DNAJC2: variants seen among roughly 807,000 people sequenced by gnomAD.
DNAJC2 encodes the protein dnaJ homolog subfamily C member 2.
A neutral mutation model predicts 94.0 loss-of-function variants in DNAJC2; 32 were observed. The ratio of observed to expected loss-of-function variants is 0.34; its 90% CI spans 0.26 to 0.46. The LOEUF (loss-of-function observed/expected upper bound fraction) is 0.46, where lower values mean the gene tolerates loss of function less well. Ranked by LOEUF, DNAJC2 falls within the 20% of genes least tolerant of loss-of-function variation. DNAJC2 has a pLI of 1.00. For missense variants in DNAJC2, 550 were observed against 719.5 expected (o/e 0.76, Z 2.69); for synonymous variants, 210 against 229.7 (o/e 0.91, Z 0.77).
At chr7:103,344,536 A>G in intron 1 of DNAJC2, 23 bp downstream of exon 1, 1 of 1,613,588 alleles carries the variant, frequency 6.2e-7, no homozygotes, top group South Asian at 1.1e-5. Context: ...GTGAGAAGGA[A>G]CCGAGGTTGG....
chr7:103,321,786 T>G (rs1818432143), intron 10 of DNAJC2, 146 bp downstream of exon 10: 1 of 821,884 alleles, frequency 1.2e-6, no homozygotes, highest in African/African-American at 1.7e-5. Flanking sequence ...AGGCGGAAAT[T>G]GCGGTGAACT....
intron 1 of DNAJC2, among the ~76,000 whole-genome samples, chr7:103,342,740 C>T (rs1819429556): frequency 6.6e-6 from 1 of 151,476 alleles, no homozygotes; most frequent in East Asian, 1.9e-4. Flanking sequence ...TCCCGAGTAG[C>T]TGGGACTACA....
chr7:103,314,713 C>G (rs534037985), intron 15 of DNAJC2: 134 of 931,450 alleles, frequency 1.4e-4, no homozygotes, highest in African/African-American at 1.6e-4. Flanking sequence ...CTGATTTTTG[C>G]AATGATTTTC....
chr7:103,344,124 A>C (rs1452066498), intron 1 of DNAJC2: 1 of 170,640 alleles, frequency 5.9e-6, no homozygotes, highest in Non-Finnish European at 1.2e-5. Context: ...CATTTAAAAA[A>C]CAAGGCCGGA....
chr7:103,319,347 G>T (rs1450060758), intron 12 of DNAJC2, among the ~76,000 whole-genome samples: 1 of 152,120 alleles, frequency 6.6e-6, no homozygotes, highest in African/African-American at 2.4e-5. Context: ...TGAGGCAGGA[G>T]AATCACTTGA....
Position 103,322,016 on chromosome 7 carries a change from C to T in DNAJC2, c.999G>A (p.Gln333=), listed in dbSNP as rs758507524. ...TTTCCTTCTTTGCCAGCAATGCTTG[C>T]TGTCTGACTTCCTCCTCTTCTTTCT... The part of the protein sequence containing the change: ...AKEKEEEEVR[Q]QALLAKKEKD... The change falls in exon 10 of 17, where the codon CAG becomes CAA. Residue 333 remains glutamine (Q), a synonymous_variant. Coordinates refer to ENST00000379263, the MANE Select transcript of DNAJC2 (RefSeq NM_014377.3). The T allele has an allele frequency of 3.1e-6, 5 of 1,613,866 alleles. No homozygotes were observed. Among genetic ancestry groups the T allele is most frequent in the Non-Finnish European group, 4.2e-6 (5 of 1,179,868 alleles).
chr7:103,344,264 T>C, intron 1 of DNAJC2: 1 of 467,764 alleles, frequency 2.1e-6, no homozygotes, highest in East Asian at 3.6e-5. Flanking sequence ...ATGAGAACCT[T>C]TCTGGGGTGC....
chr7:103,323,842 C>G (rs1025722169), intron 6 of DNAJC2, among the ~76,000 whole-genome samples, 179 bp from the exon 7 acceptor site: 2 of 152,170 alleles, frequency 1.3e-5, no homozygotes, highest in African/African-American at 2.4e-5. Flanking sequence ...CTAAAATGCA[C>G]ATATCACTCC....
Position 103,344,435 on chromosome 7 carries a change from G to A in DNAJC2, c.64+124C>T, listed in dbSNP as rs925241936. On this transcript the variant is annotated intron_variant, in intron 1 of 16. Coordinates refer to ENST00000379263, the MANE Select transcript of DNAJC2 (RefSeq NM_014377.3). Reference sequence around the variant, plus strand: ...ACGGAGCAAAAAGGCACTCGTCACGGCCCCATACGGCCCCGGGGCTAGTCG... The same window carrying A: ...ACGGAGCAAAAAGGCACTCGTCACGACCCCATACGGCCCCGGGGCTAGTCG... 4.7e-6 allele frequency: 5 copies of A among 1,063,804 alleles called. No individual in the cohort carries two copies. The African/African-American group carries it at 7.8e-5, about 17-fold the overall frequency. 65.9% of individuals were successfully genotyped at this position (1,063,804 alleles called of 1,614,324 possible).
intron 3 of DNAJC2, 49 bp from the exon 4 acceptor site, chr7:103,327,803 A>G (rs749458718): frequency 2.4e-6 from 3 of 1,230,888 alleles, no homozygotes; most frequent in Non-Finnish European, 3.5e-6. Context: ...AGCACCAAAA[A>G]TAAAGATGAG....
intron 13 of DNAJC2, chr7:103,316,496 A>T (rs1193929325): frequency 4.3e-6 from 1 of 233,732 alleles, no homozygotes; most frequent in Non-Finnish European, 8.2e-6. Context: ...TGAGGTGGGA[A>T]AAAACAAAGA....
intron 2 of DNAJC2, 89 bp from the exon 3 acceptor site, chr7:103,337,900 CA>C: frequency 1.1e-6 from 1 of 919,836 alleles, no homozygotes; most frequent in South Asian, 1.5e-5. Flanking sequence ...AAGCATTTCC[CA>C]AAGTGACATT....
intron 2 of DNAJC2, among the ~76,000 whole-genome samples, chr7:103,341,529 C>G (rs1819374016): frequency 6.6e-6 from 1 of 152,190 alleles, no homozygotes; most frequent in Non-Finnish European, 1.5e-5. Flanking sequence ...GCTGCCTGTC[C>G]TTTTAAGACC....
At chr7:103,329,424 T>C (rs73175841) in intron 3 of DNAJC2, 2 of 152,460 alleles carry the variant, frequency 1.3e-5, no homozygotes, top group South Asian at 2.1e-4. Flanking sequence ...TAATTCATTA[T>C]GTTTATTAAT....
Position 103,326,689 on chromosome 7 carries a change from G to A in DNAJC2, c.431-5C>T. On this transcript the variant is annotated splice_polypyrimidine_tract_variant and splice_region_variant and intron_variant, in intron 4 of 16. Transcript: ENST00000379263. Reference sequence around the variant, plus strand: ...GATCAGATAACATTTCATAAGCTGAGAAAAAAATTGTTAAGATCACATCAC... The same window carrying A: ...GATCAGATAACATTTCATAAGCTGAAAAAAAAATTGTTAAGATCACATCAC... 2 of 1,593,716 alleles carry A rather than the reference G, an allele frequency of 1.3e-6. No individual in the cohort carries two copies. The highest frequency in any genetic ancestry group is 3.7e-5 in the Admixed American group (2 of 54,356).
intron 15 of DNAJC2, chr7:103,314,706 A>C: frequency 1.0e-6 from 1 of 952,520 alleles, no homozygotes; most frequent in South Asian, 4.8e-5. Flanking sequence ...GTCACTGCTG[A>C]TTTTTGCAAT....
chr7:103,336,197 T>C (rs1458444499), intron 3 of DNAJC2: 1 of 152,190 alleles, frequency 6.6e-6, no homozygotes, highest in East Asian at 1.9e-4. Context: ...AACAGAAGCA[T>C]ATGAATGCTT....
intron 5 of DNAJC2, among the ~76,000 whole-genome samples, chr7:103,325,425 A>C (rs1445162459): frequency 6.6e-6 from 1 of 150,966 alleles, no homozygotes; most frequent in Non-Finnish European, 1.5e-5. Flanking sequence ...CAAGAGAGCA[A>C]GATACTGTCT....
chr7:103,313,057 G>A lies in DNAJC2; in HGVS notation c.1681C>T (p.Leu561Phe). The change falls in exon 16 of 17, where the codon CTT becomes TTT. Residue 561 changes from leucine (L) to phenylalanine (F), a missense_variant. This residue lies in a region of DNAJC2 where 271 missense variants were observed against 302.6 expected (regional missense o/e 0.90). Transcript: ENST00000379263. ...TATGTTTTCAAAGCTTGTTCCAAAA[G>A]CTTCTGTTCTTCTGTTGTCCAAGGG... is the stretch of plus-strand genomic sequence containing the variant. ...FTPWTTEEQK[L>F]LEQALKTYPV... 6.2e-7 allele frequency: 1 copy of A among 1,613,940 alleles called. No homozygotes were observed. The highest frequency in any genetic ancestry group is 8.5e-7 in the Non-Finnish European group (1 of 1,179,914).
Sources: gnomAD v4.1 joint callset for allele counts (sites outside exome capture counted in the v4.1 genomes callset) on GRCh38, gnomAD v4.1.1 for gene constraint, gnomAD v4.1.1 regional missense constraint, MANE v1.5 for transcripts, NCBI Gene and HGNC (gene_info 2026-07-23, HGNC 2026-07-21) for gene names.